CSMD1: variants seen among roughly 807,000 people sequenced by gnomAD.
The protein encoded by CSMD1 is CUB and sushi domain-containing protein 1.
Under a neutral mutation model 417.5 loss-of-function variants are expected in CSMD1, and 213 were observed. The observed-to-expected ratio is 0.51, with a 90% CI of 0.46 to 0.57. CSMD1 has a LOEUF of 0.57. Ranked by LOEUF, CSMD1 falls within the 20% of genes least tolerant of loss-of-function variation. The probability of loss-of-function intolerance (pLI) is 0.00; values close to 1 mark genes in which losing one functional copy is unlikely to be tolerated. For synonymous variants in CSMD1, 2,862 were observed against 1,736.8 expected (o/e 1.65, Z -16.11); for missense variants, 6,923 against 4,529.7 (o/e 1.53, Z -15.17).
intron 5 of CSMD1, among the ~76,000 whole-genome samples, chr8:3,875,719 G>C (rs1371923672): frequency 1.3e-5 from 2 of 152,156 alleles, no homozygotes; most frequent in African/African-American, 4.8e-5. Flanking sequence ...CTTCTCGAGT[G>C]GATTGAGGAA....
chr8:4,001,340 C>G (rs562397869), intron 4 of CSMD1, among the ~76,000 whole-genome samples: 46 of 152,228 alleles, frequency 3.0e-4, no homozygotes, highest in African/African-American at 9.6e-4. Context: ...GAGTCCAGGG[C>G]CCCCACCCTG....
intron 3 of CSMD1, among the ~76,000 whole-genome samples, chr8:4,354,381 G>T (rs190895580): frequency 6.6e-6 from 1 of 152,102 alleles, no homozygotes; most frequent in Non-Finnish European, 1.5e-5. Context: ...TGGTCATTTC[G>T]TAACTATTAA....
At position 3,819,107 on chromosome 8, in the gene CSMD1, G is replaced by A. The variant is rs149463091; in HGVS notation, c.819-65065C>T. Among the ~76,000 whole-genome samples the A allele has an allele frequency of 6.3e-3, 961 of 152,310 alleles. 12 individuals are homozygous for A. Among genetic ancestry groups the A allele is most frequent in the African/African-American group, 0.021 (893 of 41,558 alleles). On this transcript the variant is annotated intron_variant, in intron 5 of 69. Transcript: ENST00000635120. ...AGGCAGAGTAGAGAGAAAAGTGTAGGAGGAGATGGGGGAAAGATTTGCTGG... is the reference window on the plus strand; with the variant it reads ...AGGCAGAGTAGAGAGAAAAGTGTAGAAGGAGATGGGGGAAAGATTTGCTGG...
intron 2 of CSMD1, among the ~76,000 whole-genome samples, chr8:4,447,875 C>T (rs542486343): frequency 3.1e-4 from 47 of 152,140 alleles, no homozygotes; most frequent in Admixed American, 6.6e-4. Context: ...GGAGGCTCGA[C>T]GAATGTACAA....
chr8:4,313,625 G>T (rs1253231527), intron 3 of CSMD1, among the ~76,000 whole-genome samples: 1 of 151,974 alleles, frequency 6.6e-6, no homozygotes, highest in Non-Finnish European at 1.5e-5. Flanking sequence ...ACATGCAGAT[G>T]CCATTTAAAC....
At chr8:4,834,914 G>A (rs1225598961) in intron 1 of CSMD1, among the ~76,000 whole-genome samples, 2 of 124,308 alleles carry the variant, frequency 1.6e-5, no homozygotes, top group East Asian at 2.6e-4. Flanking sequence ...CTGAGATGGC[G>A]CCACTGCACT....
chr8:2,996,559 G>A (rs796446975), intron 54 of CSMD1, among the ~76,000 whole-genome samples: 1 of 152,140 alleles, frequency 6.6e-6, no homozygotes, highest in African/African-American at 2.4e-5. Flanking sequence ...GGAGTCCTGC[G>A]GCCTCCACAA....
chr8:4,906,687 G>C (rs1289164659), intron 1 of CSMD1, among the ~76,000 whole-genome samples: 3 of 152,020 alleles, frequency 2.0e-5, no homozygotes, highest in African/African-American at 2.4e-5. Flanking sequence ...CTCCCGAGTA[G>C]CTGGGACTAC....
chr8:3,504,933 T>A (rs75449817), intron 10 of CSMD1, among the ~76,000 whole-genome samples: 4,595 of 151,656 alleles, frequency 0.03, 109 homozygotes, highest in South Asian at 0.059. Context: ...TGGGCAGAGA[T>A]AGAAAATGCT....
At chr8:3,784,289 TAAA>T (rs1799330482) in intron 5 of CSMD1, among the ~76,000 whole-genome samples, 1 of 152,164 alleles carries the variant, frequency 6.6e-6, no homozygotes, top group Non-Finnish European at 1.5e-5. Flanking sequence ...ATTTCTCAGA[TAAA>T]TAATATTAAA....
intron 2 of CSMD1, among the ~76,000 whole-genome samples, chr8:4,554,682 G>T (rs768374908): frequency 6.6e-6 from 1 of 152,146 alleles, no homozygotes; most frequent in East Asian, 1.9e-4. Context: ...AATGTGATAA[G>T]AATCATCATA....
At chr8:3,389,237 T>G in intron 17 of CSMD1, among the ~76,000 whole-genome samples, 1 of 152,122 alleles carries the variant, frequency 6.6e-6, no homozygotes, top group East Asian at 1.9e-4. Flanking sequence ...TAGTGCCCAT[T>G]AGTTGTTTTT....
At chr8:4,333,272 G>C (rs149626855) in intron 3 of CSMD1, among the ~76,000 whole-genome samples, 1 of 152,066 alleles carries the variant, frequency 6.6e-6, no homozygotes, top group Non-Finnish European at 1.5e-5. Context: ...CAATCCTGAC[G>C]CTAAGTCCTC....
At chr8:3,294,142 A>T (rs1187799663) in intron 25 of CSMD1, among the ~76,000 whole-genome samples, 1 of 152,150 alleles carries the variant, frequency 6.6e-6, no homozygotes, top group Non-Finnish European at 1.5e-5. Context: ...AGAACAGCAG[A>T]TGTTGGTGAA....
rs35589069 is a variant in CSMD1 at position 4,400,007 on chromosome 8, C to T, written c.415+19946G>A. 8.0e-3 allele frequency among the ~76,000 whole-genome samples: 1,223 copies of T among 152,196 alleles called. 4 individuals carry two copies. The highest frequency in any genetic ancestry group is 0.011 in the Admixed American group (173 of 15,290). ...AAGCCTTTCTTTCCAAGTGAATTCCCACACCATCTAGTGGAGGTAGACAGA... is the reference window on the plus strand; with the variant it reads ...AAGCCTTTCTTTCCAAGTGAATTCCTACACCATCTAGTGGAGGTAGACAGA... On this transcript the variant is annotated intron_variant, in intron 3 of 69. Coordinates refer to ENST00000635120, the MANE Select transcript of CSMD1 (RefSeq NM_033225.6).
chr8:4,808,656 A>G (rs576621307), intron 1 of CSMD1, among the ~76,000 whole-genome samples: 1 of 152,308 alleles, frequency 6.6e-6, no homozygotes, highest in South Asian at 2.1e-4. Context: ...GCCTTTGGAC[A>G]ATCGGTTTCA....
intron 5 of CSMD1, among the ~76,000 whole-genome samples, chr8:3,850,378 C>A (rs569952686): frequency 2.0e-4 from 31 of 152,308 alleles, no homozygotes; most frequent in Admixed American, 5.9e-4. Context: ...CCTGTAAGCA[C>A]TGACACTGAA....
intron 1 of CSMD1, among the ~76,000 whole-genome samples, chr8:4,939,975 A>C (rs78424529): frequency 1.2e-4 from 19 of 152,294 alleles, no homozygotes; most frequent in African/African-American, 4.3e-4. Context: ...AAACTTGAAA[A>C]ATCTTCAGAG....
rs990716538 is a variant in CSMD1 at position 3,108,978 on chromosome 8, A to C, written c.6609-230T>G. ...GGCACTCGGCACTTGTCAAATGTCA[A>C]CACTCACCGGTGCTGGTGGCTCATG... On this transcript the variant is annotated intron_variant, in intron 43 of 69. Coordinates refer to ENST00000635120, the MANE Select transcript of CSMD1 (RefSeq NM_033225.6). Among the ~76,000 whole-genome samples, 10 of 152,198 alleles carry C rather than the reference A, an allele frequency of 6.6e-5. 1 individual carries two copies. The highest frequency in any genetic ancestry group is 6.5e-4 in the Admixed American group (10 of 15,278).
Sources: gnomAD v4.1 joint callset for allele counts (sites outside exome capture counted in the v4.1 genomes callset) on GRCh38, gnomAD v4.1.1 for gene constraint, MANE v1.5 for transcripts, NCBI Gene and HGNC (gene_info 2026-07-23, HGNC 2026-07-21) for gene names.